TNPO1: variants seen among roughly 807,000 people sequenced by gnomAD.
The protein encoded by TNPO1 is transportin 1, also known as transportin-1.
Under a neutral mutation model 119.5 loss-of-function variants are expected in TNPO1, and 8 were observed. The observed-to-expected ratio is 0.07, with a 90% CI of 0.04 to 0.12. The LOEUF (loss-of-function observed/expected upper bound fraction) is 0.12, where lower values mean the gene tolerates loss of function less well. Ranked by LOEUF, TNPO1 falls within the 10% of genes least tolerant of loss-of-function variation. TNPO1 has a pLI of 1.00. For synonymous variants in TNPO1, 362 were observed against 363.0 expected (o/e 1.00, Z 0.03); for missense variants, 576 against 1,089.8 (o/e 0.53, Z 6.64).
Position 72,875,541 on chromosome 5 carries a change from A to T in TNPO1, c.679-74A>T, listed in dbSNP as rs1004179944. On this transcript the variant is annotated intron_variant, in intron 7 of 24. Coordinates refer to ENST00000337273, the MANE Select transcript of TNPO1 (RefSeq NM_002270.4). ...CCTTTGTAGGGTTTCTTTAAATGTCACCAACTTGCAGATTACTTATTACTT... is the reference window on the plus strand; with the variant it reads ...CCTTTGTAGGGTTTCTTTAAATGTCTCCAACTTGCAGATTACTTATTACTT... 16 of 1,520,436 alleles carry T rather than the reference A, an allele frequency of 1.1e-5. No homozygotes were observed. The African/African-American group carries it at 2.1e-4, about 20-fold the overall frequency. 94.2% of individuals were successfully genotyped at this position (1,520,436 alleles called of 1,614,324 possible). A position where few individuals can be genotyped will look rare whatever the true frequency, so the allele number is the denominator to read the frequency against.
At chr5:72,865,517 A>ATTAATC in intron 5 of TNPO1, 79 bp from the exon 6 acceptor site, 1 of 1,477,282 alleles carries the variant, frequency 6.8e-7, no homozygotes, top group Non-Finnish European at 9.4e-7. Flanking sequence ...GTCCATACAA[A>ATTAATC]TTAATCAGCA....
chr5:72,839,434 A>G (rs1744820649), intron 1 of TNPO1, among the ~76,000 whole-genome samples: 2 of 152,116 alleles, frequency 1.3e-5, no homozygotes, highest in South Asian at 4.1e-4. Flanking sequence ...CCCAAAACTT[A>G]CTTTTCCCAA....
rs564981672 is a variant in TNPO1 at position 72,819,451 on chromosome 5, T to C, written c.15+2699T>C. Among the ~76,000 whole-genome samples, 236 of 152,346 alleles carry C rather than the reference T, an allele frequency of 1.5e-3. 2 individuals carry two copies. Among genetic ancestry groups the C allele is most frequent in the Middle Eastern group, 6.8e-3 (2 of 294 alleles). On this transcript the variant is annotated intron_variant, in intron 1 of 24. Transcript: ENST00000337273. Reference sequence around the variant, plus strand: ...GGTCCTTTGAAGTACTGTAAGTTGCTGTAGTAAGTAGGAATATTAGAGTTC... The same window carrying C: ...GGTCCTTTGAAGTACTGTAAGTTGCCGTAGTAAGTAGGAATATTAGAGTTC...
At chr5:72,893,774 T>C in intron 18 of TNPO1, 71 bp downstream of exon 18, 1 of 1,363,314 alleles carries the variant, frequency 7.3e-7, no homozygotes, top group Non-Finnish European at 1.0e-6. Context: ...TGTTTTTTTA[T>C]TATTAAACTG....
chr5:72,863,213 A>G (rs1438221556), intron 5 of TNPO1, among the ~76,000 whole-genome samples: 4 of 152,100 alleles, frequency 2.6e-5, no homozygotes, highest in Non-Finnish European at 5.9e-5. Flanking sequence ...TTGACTCTGT[A>G]AAGCATCGAC....
chr5:72,869,782 CAA>C (rs538720672), intron 6 of TNPO1, among the ~76,000 whole-genome samples: 104 of 152,290 alleles, frequency 6.8e-4, no homozygotes, highest in African/African-American at 2.5e-3. Context: ...TCTTCACAAA[CAA>C]ATGCCATTTA....
chr5:72,887,226 A>T lies in TNPO1; in HGVS notation c.1303+4A>T. On this transcript the variant is annotated splice_donor_region_variant and intron_variant, in intron 12 of 24. Coordinates refer to ENST00000337273, the MANE Select transcript of TNPO1 (RefSeq NM_002270.4). ...GTTTTAGGAGCAATTGCTGAAGGTA[A>T]GCCTAAGTCCAGTTTGAATTATGTA... 1.3e-6 allele frequency: 2 copies of T among 1,587,532 alleles called. No individual in the cohort carries two copies. The highest frequency in any genetic ancestry group is 1.7e-6 in the Non-Finnish European group (2 of 1,159,194).
intron 5 of TNPO1, chr5:72,862,281 A>T (rs1374992838): frequency 5.9e-6 from 1 of 170,800 alleles, no homozygotes; most frequent in African/African-American, 2.4e-5. Flanking sequence ...AATTGTTTTT[A>T]TGCCTCTTAT....
Position 72,849,273 on chromosome 5 carries a change from ACT to A in TNPO1, c.129+778_129+779del, listed in dbSNP as rs528065498. 1.5e-4 allele frequency among the ~76,000 whole-genome samples: 23 copies of A among 152,206 alleles called. No individual in the cohort carries two copies. In the South Asian group the frequency reaches 4.6e-3, roughly 30 times the overall value. On this transcript the variant is annotated intron_variant, in intron 2 of 24. Coordinates refer to ENST00000337273, the MANE Select transcript of TNPO1 (RefSeq NM_002270.4). ...GACAGGAAAGGTTAAGAGAACCAAA[ACT>A]CTACCACGTATGCTTTCTGTAGTGC...
chr5:72,818,225 C>T (rs966983018), intron 1 of TNPO1, among the ~76,000 whole-genome samples: 5 of 152,206 alleles, frequency 3.3e-5, no homozygotes, highest in Non-Finnish European at 7.3e-5. Flanking sequence ...AAATTCCTCC[C>T]ACTGAAATAT....
chr5:72,908,732 A>G lies in TNPO1; in HGVS notation c.*59A>G. 5.4e-6 allele frequency: 1 copy of G among 183,904 alleles called. No homozygotes were observed. Among genetic ancestry groups the G allele is most frequent in the Non-Finnish European group, 1.2e-5 (1 of 84,720 alleles). 11.4% of individuals were successfully genotyped at this position (183,904 alleles called of 1,614,324 possible). A position where few individuals can be genotyped will look rare whatever the true frequency, so the allele number is the denominator to read the frequency against. ...AGGTCCTTCAGTCTTGGAGACTATA[A>G]GGGAGCCTCTGCACCCAGGGAAAAT... On this transcript the variant is annotated 3_prime_UTR_variant, in exon 25 of 25. Coordinates refer to ENST00000337273, the MANE Select transcript of TNPO1 (RefSeq NM_002270.4).
At chr5:72,889,706 C>A in intron 13 of TNPO1, 80 bp from the exon 14 acceptor site, 1 of 1,451,622 alleles carries the variant, frequency 6.9e-7, no homozygotes, top group Non-Finnish European at 9.2e-7. Context: ...TTGGGTAAAA[C>A]AGAACATAAA....
At chr5:72,819,282 C>T (rs867254032) in intron 1 of TNPO1, among the ~76,000 whole-genome samples, 3 of 152,192 alleles carry the variant, frequency 2.0e-5, no homozygotes, top group African/African-American at 7.2e-5. Context: ...TCCACCAGAT[C>T]ATGATCAGAT....
chr5:72,822,885 G>A (rs981533320), intron 1 of TNPO1, among the ~76,000 whole-genome samples: 4 of 147,262 alleles, frequency 2.7e-5, no homozygotes, highest in African/African-American at 1.0e-4. Context: ...GAGCCACTGC[G>A]CCCGGCCTGG....
At position 72,906,275 on chromosome 5, in the gene TNPO1, C is replaced by CTTTTTT. The variant is rs869051297; in HGVS notation, c.*35+863_*35+868dup. Among the ~76,000 whole-genome samples the CTTTTTT allele has an allele frequency of 1.1e-3, 60 of 54,678 alleles. 3 individuals carry two copies. Among genetic ancestry groups the CTTTTTT allele is most frequent in the African/African-American group, 2.2e-3 (32 of 14,700 alleles). 35.9% of individuals were successfully genotyped at this position (54,678 alleles called of 152,430 possible). The stretch of plus-strand genomic sequence containing the variant: ...CCATGTGCCCATCACTTTTTTTTTT[C>CTTTTTT]TTTTTTTTTTTTTTTTTTTTTTTTT... On this transcript the variant is annotated intron_variant, in intron 24 of 24. Coordinates refer to ENST00000337273, the MANE Select transcript of TNPO1 (RefSeq NM_002270.4).
rs773507423 is a variant in TNPO1 at position 72,858,831 on chromosome 5, C to T, written c.355+2908C>T. On this transcript the variant is annotated intron_variant, in intron 4 of 24. Transcript: ENST00000337273. ...CAGCCTGGATGACAGAGTGAGACTC[C>T]GTCTCAAAAAAAAAAAAGACTCTAA... is the stretch of plus-strand genomic sequence containing the variant. Among the ~76,000 whole-genome samples, 230 of 149,450 alleles carry T rather than the reference C, an allele frequency of 1.5e-3. 1 individual carries two copies. Among genetic ancestry groups the T allele is most frequent in the Non-Finnish European group, 2.8e-3 (190 of 67,588 alleles).
chr5:72,822,462 T>A (rs1218746849), intron 1 of TNPO1, among the ~76,000 whole-genome samples: 1 of 152,176 alleles, frequency 6.6e-6, no homozygotes, highest in African/African-American at 2.4e-5. Flanking sequence ...AGTTTCCATT[T>A]CTTAGAGAAA....
At chr5:72,900,905 C>T (rs1488275173) in intron 21 of TNPO1, 69 bp from the exon 22 acceptor site, 1 of 1,008,644 alleles carries the variant, frequency 9.9e-7, no homozygotes, top group Non-Finnish European at 1.5e-6. Context: ...CCATTAAATA[C>T]TGTCCATTAG....
intron 1 of TNPO1, among the ~76,000 whole-genome samples, chr5:72,847,659 G>A (rs1178145875): frequency 1.3e-5 from 2 of 152,140 alleles, no homozygotes; most frequent in African/African-American, 4.8e-5. Flanking sequence ...ATTTCATAAT[G>A]GAATTTATTT....
Sources: allele counts gnomAD v4.1 joint callset (sites outside exome capture counted in the v4.1 genomes callset), GRCh38; gene constraint gnomAD v4.1.1; transcripts MANE v1.5; gene names NCBI Gene and HGNC (gene_info 2026-07-23, HGNC 2026-07-21).